The following PUS7 variants were observed in gnomAD, a reference collection of about 807,000 sequenced individuals.
PUS7 encodes the protein pseudouridine synthase 7.
Under a neutral mutation model 79.8 loss-of-function variants are expected in PUS7, and 48 were observed. The observed-to-expected ratio is 0.60, with a 90% CI of 0.48 to 0.76. The LOEUF is 0.76. Among genes scored for constraint, PUS7 ranks in the 30% least tolerant of loss-of-function variants. The pLI is 0.00. For missense variants in PUS7, 729 were observed against 797.6 expected (o/e 0.91, Z 1.04); for synonymous variants, 286 against 272.2 (o/e 1.05, Z -0.50).
chr7:105,461,581 G>A (rs1455100861), intron 14 of PUS7, among the ~76,000 whole-genome samples: 1 of 152,096 alleles, frequency 6.6e-6, no homozygotes, highest in Non-Finnish European at 1.5e-5. Flanking sequence ...GGTAACAATA[G>A]TAGTAATAAC....
At chr7:105,459,971 C>T (rs1823349845) in intron 14 of PUS7, among the ~76,000 whole-genome samples, 1 of 152,140 alleles carries the variant, frequency 6.6e-6, no homozygotes, top group South Asian at 2.1e-4. Context: ...CGGAGTCTCG[C>T]TCTGTCGCCC....
chr7:105,491,435 C>T (rs888993719), intron 7 of PUS7, 105 bp downstream of exon 7: 11 of 561,176 alleles, frequency 2.0e-5, no homozygotes, highest in Middle Eastern at 2.8e-4. Context: ...TAGGCAGAAG[C>T]ACCATCTAAA....
chr7:105,464,258 G>A (rs1490821355), intron 13 of PUS7, among the ~76,000 whole-genome samples: 7 of 152,192 alleles, frequency 4.6e-5, no homozygotes, highest in Non-Finnish European at 5.9e-5. Flanking sequence ...GGGTAAGGGA[G>A]ACCCCAACAG....
chr7:105,471,203 C>T (rs1413953432), intron 10 of PUS7, among the ~76,000 whole-genome samples: 3 of 152,084 alleles, frequency 2.0e-5, no homozygotes, highest in African/African-American at 7.2e-5. Flanking sequence ...ATAATTTTAT[C>T]TTTTTATAGT....
intron 10 of PUS7, among the ~76,000 whole-genome samples, chr7:105,471,628 T>C (rs1311005798): frequency 6.6e-6 from 1 of 152,032 alleles, no homozygotes; most frequent in East Asian, 1.9e-4. Flanking sequence ...CCAGCAACAT[T>C]CTGGCTGAGC....
chr7:105,504,377 T>C (rs1401912733), intron 4 of PUS7, among the ~76,000 whole-genome samples: 1 of 151,416 alleles, frequency 6.6e-6, no homozygotes, highest in Non-Finnish European at 1.5e-5. Context: ...AGCAACTTAA[T>C]GATACTTCAA....
In PUS7 at chr7:105,470,739, A is replaced by G. The variant is rs1823839320; in HGVS notation, c.1347T>C (p.Leu449=). ...TCATTCCATATTTTGAAAGTCCTCGAAGCAGCTGCCCTTCCACACACCTTT... is the reference window on the plus strand; with the variant it reads ...TCATTCCATATTTTGAAAGTCCTCGGAGCAGCTGCCCTTCCACACACCTTT... ...PVKRCVEGQL[L]RGLSKYGMKN... is the part of the protein sequence containing the mutation. The change falls in exon 11 of 16, where the codon CTT becomes CTC. Residue 449 remains leucine (L), a synonymous_variant. Coordinates refer to ENST00000469408, the MANE Select transcript of PUS7 (RefSeq NM_019042.5). 1 of 1,611,308 alleles carries G rather than the reference A, an allele frequency of 6.2e-7. No homozygotes were observed. The highest frequency in any genetic ancestry group is 1.3e-5 in the African/African-American group (1 of 74,916).
intron 5 of PUS7, among the ~76,000 whole-genome samples, chr7:105,498,073 C>T (rs991708700): frequency 6.6e-6 from 1 of 152,166 alleles, no homozygotes; most frequent in African/African-American, 2.4e-5. Flanking sequence ...ACCATGACAA[C>T]AGAGTATGAG....
chr7:105,471,812 T>C (rs1274636601), intron 10 of PUS7, among the ~76,000 whole-genome samples: 1 of 151,128 alleles, frequency 6.6e-6, no homozygotes, highest in East Asian at 2.0e-4. Context: ...CTCAGGAGGC[T>C]GAGGCAGGAG....
intron 9 of PUS7, among the ~76,000 whole-genome samples, chr7:105,476,794 C>T (rs1406736136): frequency 6.6e-6 from 1 of 152,196 alleles, no homozygotes; most frequent in Admixed American, 6.5e-5. Flanking sequence ...GTGATAATAG[C>T]CTTCCCAACG....
At chr7:105,495,860 T>C (rs1586151553) in intron 5 of PUS7, among the ~76,000 whole-genome samples, 1 of 152,204 alleles carries the variant, frequency 6.6e-6, no homozygotes, top group South Asian at 2.1e-4. Flanking sequence ...CAATCCTGTG[T>C]TAAACAATGT....
chr7:105,504,008 G>A (rs1007238966), intron 4 of PUS7, among the ~76,000 whole-genome samples: 11 of 150,812 alleles, frequency 7.3e-5, no homozygotes, highest in African/African-American at 2.7e-4. Flanking sequence ...TTAATGGGTT[G>A]TAACCTGCAA....
intron 14 of PUS7, among the ~76,000 whole-genome samples, chr7:105,460,068 A>G (rs1823355626): frequency 6.6e-6 from 1 of 152,018 alleles, no homozygotes; most frequent in South Asian, 2.1e-4. Context: ...CCTCCCGAGT[A>G]GCTGGGACTA....
chr7:105,500,964 T>C (rs556281310), intron 5 of PUS7, among the ~76,000 whole-genome samples: 16 of 152,202 alleles, frequency 1.1e-4, no homozygotes, highest in South Asian at 2.1e-4. Context: ...GGACACATCA[T>C]CTGGCTTTTC....
chr7:105,459,188 G>T lies in PUS7; in HGVS notation c.1829C>A (p.Thr610Lys), dbSNP rs1455558365. ...CTTACCAGAAGCAAAAACTGGTGGT[G>T]TCTTCCCTTCTAGGTTGTCCACATC... The part of the protein sequence containing the change: ...NTDVDNLEGK[T>K]PPVFASEGKY... Residue 610 changes from threonine to lysine, a missense_variant, in exon 15 of 16, where the codon ACA becomes AAA. By Grantham distance (78) the Thr-to-Lys change is moderately conservative. Coordinates refer to ENST00000469408, the MANE Select transcript of PUS7 (RefSeq NM_019042.5). 4 of 1,609,826 alleles carry T rather than the reference G, an allele frequency of 2.5e-6. No homozygotes were observed. The highest frequency in any genetic ancestry group is 3.4e-6 in the Non-Finnish European group (4 of 1,177,400).
At chr7:105,510,911 T>C (rs2133268273) in intron 1 of PUS7, among the ~76,000 whole-genome samples, 1 of 152,306 alleles carries the variant, frequency 6.6e-6, no homozygotes, top group East Asian at 1.9e-4. Flanking sequence ...GTAGTAAACA[T>C]ATCCATAAAT....
intron 6 of PUS7, among the ~76,000 whole-genome samples, chr7:105,494,731 A>G (rs1342117241): frequency 6.6e-6 from 1 of 151,892 alleles, no homozygotes; most frequent in Non-Finnish European, 1.5e-5. Flanking sequence ...TAATCCCAGT[A>G]CTTTGGGAGG....
At chr7:105,476,372 T>A (rs925762070) in intron 9 of PUS7, among the ~76,000 whole-genome samples, 6 of 152,102 alleles carry the variant, frequency 3.9e-5, no homozygotes, top group Admixed American at 6.6e-5. Flanking sequence ...ATATATATAT[T>A]TTTTGAGACA....
At chr7:105,483,326 CTAA>C (rs1042989143) in intron 7 of PUS7, among the ~76,000 whole-genome samples, 2 of 152,088 alleles carry the variant, frequency 1.3e-5, no homozygotes, top group Non-Finnish European at 2.9e-5. Flanking sequence ...CCATGCCCGG[CTAA>C]TTTTTTTTTA....
Sources: allele counts gnomAD v4.1 joint callset (sites outside exome capture counted in the v4.1 genomes callset), GRCh38; gene constraint gnomAD v4.1.1; transcripts MANE v1.5; gene names NCBI Gene and HGNC (gene_info 2026-07-23, HGNC 2026-07-21).